The following TRIP13 variants were observed in gnomAD, a reference collection of about 807,000 sequenced individuals.
TRIP13 encodes thyroid hormone receptor interactor 13, also known as pachytene checkpoint protein 2 homolog.
In TRIP13, 25 loss-of-function variants were observed where a neutral mutation model predicts 54.4. The ratio of observed to expected loss-of-function variants is 0.46; its 90% CI spans 0.33 to 0.64. The LOEUF is 0.64. Among genes scored for constraint, TRIP13 ranks in the 30% least tolerant of loss-of-function variants. The pLI is 0.02. For synonymous variants in TRIP13, 207 were observed against 207.8 expected (o/e 1.00, Z 0.03); for missense variants, 373 against 534.2 (o/e 0.70, Z 2.97).
chr5:896,851 A>G (rs1753927346), intron 3 of TRIP13, 57 bp downstream of exon 3: 1 of 1,544,628 alleles, frequency 6.5e-7, no homozygotes, highest in Non-Finnish European at 8.8e-7. Flanking sequence ...TGTATACTCC[A>G]TGCCATGTCA....
In TRIP13 at chr5:918,045, A is replaced by G. The variant is rs1024453074; in HGVS notation, c.*942A>G. 1 of 152,110 alleles carries G rather than the reference A, an allele frequency of 6.6e-6. No homozygotes were observed. Among genetic ancestry groups the G allele is most frequent in the African/African-American group, 2.4e-5 (1 of 41,418 alleles). 9.4% of individuals were successfully genotyped at this position (152,110 alleles called of 1,614,324 possible). A position where few individuals can be genotyped will look rare whatever the true frequency, so the allele number is the denominator to read the frequency against. Reference sequence around the variant, plus strand: ...TTCAAGTATTAAAATATTTTTTAGAATTTTCTTGTTTTGATTCTAAGTATC... The same window carrying G: ...TTCAAGTATTAAAATATTTTTTAGAGTTTTCTTGTTTTGATTCTAAGTATC... On this transcript the variant is annotated 3_prime_UTR_variant, in exon 13 of 13. Coordinates refer to ENST00000166345, the MANE Select transcript of TRIP13 (RefSeq NM_004237.4). The surrounding 1 kb of genome is among the most constrained non-coding windows in gnomAD (Gnocchi z 4.3).
rs1301897649 is a variant in TRIP13 at position 918,072 on chromosome 5, C to A, written c.*969C>A. On this transcript the variant is annotated 3_prime_UTR_variant, in exon 13 of 13. Transcript: ENST00000166345. This position sits in a 1 kb window ranked among gnomAD's most constrained non-coding sequence, Gnocchi z 4.3. ...TTTCTTGTTTTGATTCTAAGTATCTCTTCCAAGTGCTTTTAATTTTACTAA... is the reference window on the plus strand; with the variant it reads ...TTTCTTGTTTTGATTCTAAGTATCTATTCCAAGTGCTTTTAATTTTACTAA... 1 of 152,158 alleles carries A rather than the reference C, an allele frequency of 6.6e-6. No homozygotes were observed. The highest frequency in any genetic ancestry group is 1.9e-4 in the East Asian group (1 of 5,206). 9.4% of individuals were successfully genotyped at this position (152,158 alleles called of 1,614,324 possible). A position where few individuals can be genotyped will look rare whatever the true frequency, so the allele number is the denominator to read the frequency against.
In TRIP13 at chr5:915,001, G is replaced by T. The variant is rs536536048; in HGVS notation, c.1133+424G>T. Among the ~76,000 whole-genome samples the T allele has an allele frequency of 7.2e-5, 11 of 152,316 alleles. No individual in the cohort carries two copies. In the South Asian group the frequency reaches 2.3e-3, roughly 32 times the overall value. On this transcript the variant is annotated intron_variant, in intron 11 of 12. Coordinates refer to ENST00000166345, the MANE Select transcript of TRIP13 (RefSeq NM_004237.4). The surrounding 1 kb of genome is among the most constrained non-coding windows in gnomAD (Gnocchi z 4.2). ...ATCAGGAAGGCTGCTGGAGCAGTGTGTTCAGGTGACCGTCTAGTGGGTTGC... is the reference window on the plus strand; with the variant it reads ...ATCAGGAAGGCTGCTGGAGCAGTGTTTTCAGGTGACCGTCTAGTGGGTTGC...
At position 901,732 on chromosome 5, in the gene TRIP13, C is replaced by T. The variant is rs191121851; in HGVS notation, c.535+301C>T. On this transcript the variant is annotated intron_variant, in intron 5 of 12. Transcript: ENST00000166345. ...GTTCCTCCCAGGTTCCAGCAACTCTCCTACCTCAGCCTCCCGAGTAGCTGG... is the reference window on the plus strand; with the variant it reads ...GTTCCTCCCAGGTTCCAGCAACTCTTCTACCTCAGCCTCCCGAGTAGCTGG... Among the ~76,000 whole-genome samples the T allele has an allele frequency of 2.4e-3, 367 of 152,346 alleles. 1 individual carries two copies. Among genetic ancestry groups the T allele is most frequent in the Non-Finnish European group, 4.1e-3 (282 of 68,030 alleles).
In TRIP13 at chr5:915,920, A is replaced by G. The variant is rs143798038; in HGVS notation, c.1150A>G (p.Ser384Gly). The G allele has an allele frequency of 1.1e-4, 172 of 1,614,014 alleles. No homozygotes were observed. The highest frequency in any genetic ancestry group is 1.6e-5 in the Non-Finnish European group (19 of 1,179,992). ...TTTACACAGGAAGAGCGAGGGCCTC[A>G]GCGGCCGGGTCCTGAGAAAACTCCC... ...NDISRKSEGL[S>G]GRVLRKLPFL... Residue 384 changes from serine (S) to glycine (G), a missense_variant, in exon 12 of 13, where the codon AGC (serine) becomes GGC (glycine). Transcript: ENST00000166345. This position sits in a 1 kb window ranked among gnomAD's most constrained non-coding sequence, Gnocchi z 4.2.
At chr5:914,658 A>T in intron 11 of TRIP13, 81 bp downstream of exon 11, 2 of 1,161,852 alleles carry the variant, frequency 1.7e-6, no homozygotes, top group Non-Finnish European at 2.5e-6. Flanking sequence ...CTTTGAGGAG[A>T]CCAGGGAGGG....
chr5:900,366 A>G, intron 3 of TRIP13, 128 bp from the exon 4 acceptor site: 1 of 887,874 alleles, frequency 1.1e-6, no homozygotes, highest in Non-Finnish European at 1.7e-6. Context: ...CTTTCCTGTA[A>G]TCAGAATCAT....
chr5:894,319 G>A (rs563446508), intron 1 of TRIP13, among the ~76,000 whole-genome samples: 3 of 152,192 alleles, frequency 2.0e-5, no homozygotes, highest in African/African-American at 7.2e-5. Context: ...GCAGCAAGGG[G>A]GACCAAGGGA....
At position 901,376 on chromosome 5, in the gene TRIP13, A is replaced by C; in HGVS notation, c.480A>C (p.Ser160=). 6.2e-7 allele frequency: 1 copy of C among 1,614,168 alleles called. No homozygotes were observed. Among genetic ancestry groups the C allele is most frequent in the Non-Finnish European group, 8.5e-7 (1 of 1,180,028 alleles). The change falls in exon 5 of 13, where the codon TCA becomes TCC. Residue 160 remains serine, a synonymous_variant. Transcript: ENST00000166345. ...ATGTGATGACAACTTTACTGTTTTC[A>C]GACAAGAACGTCAACAGCAACCTCA... ...LDYVMTTLLF[S]DKNVNSNLIT... is the part of the protein sequence containing the mutation.
Position 907,927 on chromosome 5 carries a change from C to A in TRIP13, c.673-61C>A, listed in dbSNP as rs1754149502. ...GGGGCAGCAGGCCACATCAGGGTCC[C>A]CCTGTGCACCTGGCAGTGTGGTCCC... On this transcript the variant is annotated intron_variant, in intron 7 of 12. Coordinates refer to ENST00000166345, the MANE Select transcript of TRIP13 (RefSeq NM_004237.4). The surrounding 1 kb of genome is among the most constrained non-coding windows in gnomAD (Gnocchi z 4.1). The A allele has an allele frequency of 1.9e-6, 3 of 1,563,756 alleles. No individual in the cohort carries two copies. Among genetic ancestry groups the A allele is most frequent in the Non-Finnish European group, 2.6e-6 (3 of 1,134,508 alleles).
chr5:908,100 C>G lies in TRIP13; in HGVS notation c.759+26C>G. The G allele has an allele frequency of 6.2e-7, 1 of 1,612,720 alleles. No homozygotes were observed. The highest frequency in any genetic ancestry group is 1.7e-5 in the Admixed American group (1 of 60,028). ...GTAGGCATTTCCAGATAAGGAAATT[C>G]ATGACAGAATCGCCTTTTGCCATTG... On this transcript the variant is annotated intron_variant, in intron 8 of 12. Coordinates refer to ENST00000166345, the MANE Select transcript of TRIP13 (RefSeq NM_004237.4). The surrounding 1 kb of genome is among the most constrained non-coding windows in gnomAD (Gnocchi z 5.2).
intron 10 of TRIP13, 71 bp from the exon 11 acceptor site, chr5:914,394 C>A: frequency 9.6e-7 from 1 of 1,037,434 alleles, no homozygotes; most frequent in Non-Finnish European, 1.5e-6. Context: ...AGGTGCTGTC[C>A]CTCTTGCTGA....
rs367915626 is a variant in TRIP13 at position 894,834 on chromosome 5, A to G, written c.140A>G (p.Asn47Ser). Residue 47 changes from asparagine to serine, a missense_variant, in exon 2 of 13, where the codon AAC (asparagine) becomes AGC (serine). By Grantham distance (46) the Asn-to-Ser change is conservative. This residue lies in a region of TRIP13 where 151 missense variants were observed against 151.9 expected (regional missense o/e 0.99). Coordinates refer to ENST00000166345, the MANE Select transcript of TRIP13 (RefSeq NM_004237.4). ...AACCTGAGTGTTAGAAAGCTACTCAACAGACATAATATTGTGTTTGGTGAT... is the reference window on the plus strand; with the variant it reads ...AACCTGAGTGTTAGAAAGCTACTCAGCAGACATAATATTGTGTTTGGTGAT... ...DINLSVRKLL[N>S]RHNIVFGDYT... is the part of the protein sequence containing the mutation. The G allele has an allele frequency of 1.2e-6, 2 of 1,613,400 alleles. No homozygotes were observed. Among genetic ancestry groups the G allele is most frequent in the African/African-American group, 1.3e-5 (1 of 74,934 alleles).
At chr5:900,295 T>C (rs1239092517) in intron 3 of TRIP13, among the ~76,000 whole-genome samples, 199 bp from the exon 4 acceptor site, 1 of 152,256 alleles carries the variant, frequency 6.6e-6, no homozygotes, top group Non-Finnish European at 1.5e-5. Context: ...GACTGGCATT[T>C]ATTTTGCATC....
rs1328487626 is a variant in TRIP13 at position 892,889 on chromosome 5, C to A, written c.-110C>A. 3 of 1,174,586 alleles carry A rather than the reference C, an allele frequency of 2.6e-6. No individual in the cohort carries two copies. Among genetic ancestry groups the A allele is most frequent in the South Asian group, 1.7e-5 (1 of 57,278 alleles). The allele number at this position is 1,174,586 out of a possible 1,614,324, so 72.8% of individuals were successfully genotyped here. A position where few individuals can be genotyped will look rare whatever the true frequency, so the allele number is the denominator to read the frequency against. The stretch of plus-strand genomic sequence containing the variant: ...GGTGGTGCGCCTCGCGCGGCAGATT[C>A]GAAGCTAGGGCGGGGCCCGCGGGCT... On this transcript the variant is annotated 5_prime_UTR_variant, in exon 1 of 13. Coordinates refer to ENST00000166345, the MANE Select transcript of TRIP13 (RefSeq NM_004237.4).
Position 908,521 on chromosome 5 carries a change from T to C in TRIP13, c.866+60T>C. ...TGATGAGAAGTTTGTCCCAAAGAAATGCGTGATACTTGTGCAACCCTAGAT... is the reference window on the plus strand; with the variant it reads ...TGATGAGAAGTTTGTCCCAAAGAAACGCGTGATACTTGTGCAACCCTAGAT... On this transcript the variant is annotated intron_variant, in intron 9 of 12. Coordinates refer to ENST00000166345, the MANE Select transcript of TRIP13 (RefSeq NM_004237.4). The surrounding 1 kb of genome is among the most constrained non-coding windows in gnomAD (Gnocchi z 5.2). 1.2e-6 allele frequency: 2 copies of C among 1,601,964 alleles called. No individual in the cohort carries two copies. The highest frequency in any genetic ancestry group is 1.1e-5 in the South Asian group (1 of 90,710).
In TRIP13 at chr5:911,478, G is replaced by A. The variant is rs1332951009; in HGVS notation, c.867-365G>A. Among the ~76,000 whole-genome samples, 1 of 152,136 alleles carries A rather than the reference G, an allele frequency of 6.6e-6. No individual in the cohort carries two copies. Among genetic ancestry groups the A allele is most frequent in the East Asian group, 1.9e-4 (1 of 5,190 alleles). On this transcript the variant is annotated intron_variant, in intron 9 of 12. Transcript: ENST00000166345. This position sits in a 1 kb window ranked among gnomAD's most constrained non-coding sequence, Gnocchi z 4.7. The stretch of plus-strand genomic sequence containing the variant: ...CCCGGCTACTTGGGAGGCTGAGGCA[G>A]GAGAATGGTGTGAACCGGCGAGGCG...
At chr5:909,374 G>T (rs964548298) in intron 9 of TRIP13, among the ~76,000 whole-genome samples, 1 of 152,220 alleles carries the variant, frequency 6.6e-6, no homozygotes, top group Non-Finnish European at 1.5e-5. Context: ...GGTGCCTGGG[G>T]AGTCCCTGGC....
At chr5:895,037 G>T in intron 2 of TRIP13, 85 bp downstream of exon 2, 3 of 1,429,068 alleles carry the variant, frequency 2.1e-6, no homozygotes, top group Non-Finnish European at 2.8e-6. Context: ...TTCATAGCCT[G>T]TTGTCAGAAA....
Sources: allele counts gnomAD v4.1 joint callset (sites outside exome capture counted in the v4.1 genomes callset), GRCh38; gene constraint gnomAD v4.1.1; regional missense constraint gnomAD v4.1.1; non-coding constraint Gnocchi (gnomAD v3.1); transcripts MANE v1.5; gene names NCBI Gene and HGNC (gene_info 2026-07-23, HGNC 2026-07-21).